ASIP: variants seen among roughly 807,000 people sequenced by gnomAD.
The protein encoded by ASIP is agouti signaling protein.
ASIP carries 11 observed loss-of-function variants against 10.3 expected under a neutral mutation model. That is an observed-to-expected ratio of 1.07 (90% confidence interval 0.68 to 1.78). ASIP has a LOEUF of 1.78. ASIP is among the 40% of genes most tolerant of loss of function. The pLI is 0.00. For missense variants in ASIP, 180 were observed against 169.2 expected, an observed-to-expected ratio of 1.06 and a Z score of -0.35; for synonymous variants, 70 against 70.8, an observed-to-expected ratio of 0.99 and a Z score of 0.06.
At chr20:34,253,649 T>C (rs1448221367) in intron 1 of ASIP, among the ~76,000 whole-genome samples, 1 of 151,976 alleles carries the variant, frequency 6.6e-6, no homozygotes, top group African/African-American at 2.4e-5. Context: ...TTTTTGTATT[T>C]TTAGTAGAGA....
rs890196850 is a variant in ASIP at position 34,269,245 on chromosome 20, G to A, written c.*78G>A. The A allele has an allele frequency of 1.7e-5, 24 of 1,421,866 alleles. No individual in the cohort carries two copies. In the South Asian group the frequency reaches 3.2e-4, roughly 19 times the overall value. 88.1% of individuals were successfully genotyped at this position (1,421,866 alleles called of 1,614,324 possible). The stretch of plus-strand genomic sequence containing the variant: ...TCTCGGGCGGGTGATCCCTAACAGG[G>A]CGGCTTCCCAGGGCTGCAGGCGGGC... On this transcript the variant is annotated 3_prime_UTR_variant, in exon 4 of 4. Coordinates refer to ENST00000374954, the MANE Select transcript of ASIP (RefSeq NM_001672.3).
In ASIP at chr20:34,235,840, A is replaced by AGAAG. The variant is rs1410217651; in HGVS notation, c.-10-24501_-10-24498dup. 1.0e-3 allele frequency among the ~76,000 whole-genome samples: 56 copies of AGAAG among 53,778 alleles called. 1 individual carries two copies. Among genetic ancestry groups the AGAAG allele is most frequent in the Non-Finnish European group, 1.5e-3 (49 of 33,678 alleles). 35.3% of individuals were successfully genotyped at this position (53,778 alleles called of 152,430 possible). A position where few individuals can be genotyped will look rare whatever the true frequency, so the allele number is the denominator to read the frequency against. ...AAGAAAGAAAGAAAGAAAGAAAGAAAGAAGGAAGGAAGGAAGGAAGGAAGG... is the reference window on the plus strand; with the variant it reads ...AAGAAAGAAAGAAAGAAAGAAAGAAAGAAGGAAGGAAGGAAGGAAGGAAGGAAGG... On this transcript the variant is annotated intron_variant, in intron 1 of 3. Coordinates refer to the ASIP transcript ENST00000568305.
chr20:34,237,401 A>G (rs1180019080), upstream of ASIP, among the ~76,000 whole-genome samples: 3 of 152,138 alleles, frequency 2.0e-5, no homozygotes, highest in African/African-American at 7.2e-5. Flanking sequence ...GGCTATGTTA[A>G]TTCCTAATTC....
chr20:34,255,386 G>C (rs1470978265), intron 1 of ASIP, among the ~76,000 whole-genome samples: 1 of 151,970 alleles, frequency 6.6e-6, no homozygotes. Context: ...CAACCTCCCA[G>C]GTTCAAGCAA....
chr20:34,207,098 G>A (rs868642006), intron 1 of ASIP, among the ~76,000 whole-genome samples: 2 of 152,164 alleles, frequency 1.3e-5, no homozygotes, highest in South Asian at 2.1e-4. Flanking sequence ...CATAGTGACT[G>A]TATTAATTTA....
intron 1 of ASIP, among the ~76,000 whole-genome samples, chr20:34,258,663 A>C (rs2035615215): frequency 9.0e-6 from 1 of 111,158 alleles, no homozygotes; most frequent in Admixed American, 1.2e-4. Context: ...AATATCTTAG[A>C]AGGGGGATGC....
At chr20:34,236,066 GAA>G (rs1416702705) in intron 1 of ASIP, among the ~76,000 whole-genome samples, 15 of 138,454 alleles carry the variant, frequency 1.1e-4, no homozygotes, top group South Asian at 2.5e-4. Context: ...AGGAGAGAGA[GAA>G]AGAAAGAGAA....
intron 1 of ASIP, among the ~76,000 whole-genome samples, chr20:34,197,835 A>C (rs558808777): frequency 6.6e-6 from 1 of 152,170 alleles, no homozygotes; most frequent in Non-Finnish European, 1.5e-5. Context: ...TCAGGCTTGC[A>C]TCTGCGTATA....
At chr20:34,245,939 A>T in intron 1 of ASIP, 7 of 1,532,348 alleles carry the variant, frequency 4.6e-6, no homozygotes, top group Non-Finnish European at 6.2e-6. Context: ...TTAAATACAG[A>T]CAAATTTTCA....
At chr20:34,211,696 CT>C (rs1276640968) in intron 1 of ASIP, among the ~76,000 whole-genome samples, 2 of 152,164 alleles carry the variant, frequency 1.3e-5, no homozygotes, top group Non-Finnish European at 2.9e-5. Context: ...TAGTTATTTT[CT>C]TTCATTTTGA....
chr20:34,260,285 A>G, intron 1 of ASIP, 80 bp from the exon 2 acceptor site: 1 of 1,439,756 alleles, frequency 6.9e-7, no homozygotes, highest in Non-Finnish European at 9.4e-7. Flanking sequence ...CACCAGCCCA[A>G]AGAAGCACAA....
At chr20:34,240,102 G>A (rs897797296), upstream of ASIP, among the ~76,000 whole-genome samples, 1 of 152,134 alleles carries the variant, frequency 6.6e-6, no homozygotes, top group African/African-American at 2.4e-5. Flanking sequence ...GTTCTATACT[G>A]TTTTGAAAGA....
At chr20:34,247,870 T>C (rs767402533) in intron 1 of ASIP, among the ~76,000 whole-genome samples, 3 of 152,168 alleles carry the variant, frequency 2.0e-5, no homozygotes, top group Non-Finnish European at 4.4e-5. Flanking sequence ...GTGCTGGGAT[T>C]ACAGGCATGA....
the ASIP span, among the ~76,000 whole-genome samples, chr20:34,186,710 A>T: frequency 6.6e-6 from 1 of 151,914 alleles, no homozygotes; most frequent in Non-Finnish European, 1.5e-5. Flanking sequence ...TTCTATTGGG[A>T]GCTTGGTAAG....
At chr20:34,256,067 G>A (rs975501590) in intron 1 of ASIP, among the ~76,000 whole-genome samples, 8 of 152,234 alleles carry the variant, frequency 5.3e-5, no homozygotes, top group East Asian at 1.9e-4. Flanking sequence ...ACCTGGCTCC[G>A]CCTTCTAGAG....
rs2035841351 is a variant in ASIP at position 34,269,039 on chromosome 20, G to C, written c.271G>C (p.Ala91Pro). Reference protein sequence around the residue: ...KVVRPRTPLSAPCVATRNSCK... With the variant: ...KVVRPRTPLSPPCVATRNSCK... ...GGTGCGGCCCCGGACCCCCCTATCT[G>C]CGCCCTGCGTGGCCACCCGCAACAG... The change falls in exon 4 of 4, where the codon GCG becomes CCG. Residue 91 changes from alanine to proline, a missense_variant. Coordinates refer to ENST00000374954, the MANE Select transcript of ASIP (RefSeq NM_001672.3). The C allele has an allele frequency of 6.2e-7, 1 of 1,606,500 alleles. No individual in the cohort carries two copies. The highest frequency in any genetic ancestry group is 8.5e-7 in the Non-Finnish European group (1 of 1,177,354).
At chr20:34,258,698 A>C (rs547248913) in intron 1 of ASIP, among the ~76,000 whole-genome samples, 7,148 of 62,030 alleles carry the variant, frequency 0.12, 2,676 homozygotes, top group African/African-American at 0.6. Context: ...TATACATACT[A>C]TATATATATA....
intron 1 of ASIP, among the ~76,000 whole-genome samples, chr20:34,252,882 G>A (rs545298596): frequency 1.3e-5 from 2 of 152,242 alleles, no homozygotes; most frequent in South Asian, 4.1e-4. Flanking sequence ...CTTTTACCAG[G>A]CATACTGCCT....
At chr20:34,233,519 G>T (rs951598092) in intron 1 of ASIP, among the ~76,000 whole-genome samples, 1 of 152,282 alleles carries the variant, frequency 6.6e-6, no homozygotes, top group East Asian at 1.9e-4. Context: ...CTGTAGGATG[G>T]TTGCACAACT....
Sources: allele counts gnomAD v4.1 joint callset (sites outside exome capture counted in the v4.1 genomes callset), GRCh38; gene constraint gnomAD v4.1.1; transcripts MANE v1.5; gene names NCBI Gene and HGNC (gene_info 2026-07-23, HGNC 2026-07-21).